The following PLA2G4E variants were observed in gnomAD, a reference collection of about 807,000 sequenced individuals.
PLA2G4E encodes the protein cytosolic phospholipase A2 epsilon.
Under a neutral mutation model 109.1 loss-of-function variants are expected in PLA2G4E, and 84 were observed. The observed-to-expected ratio is 0.77, with a 90% CI of 0.65 to 0.92. The LOEUF (loss-of-function observed/expected upper bound fraction) is 0.92, where lower values mean the gene tolerates loss of function less well. Ranked by LOEUF, PLA2G4E falls within the 40% of genes least tolerant of loss-of-function variation. PLA2G4E has a pLI of 0.00. For missense variants in PLA2G4E, 1,057 were observed against 1,076.6 expected (o/e 0.98, Z 0.25); for synonymous variants, 469 against 436.1 (o/e 1.08, Z -0.94).
chr15:42,046,865 G>A (rs903850603), intron 1 of PLA2G4E, among the ~76,000 whole-genome samples: 2 of 152,192 alleles, frequency 1.3e-5, no homozygotes, highest in Non-Finnish European at 2.9e-5. Context: ...CACAGGGCAG[G>A]AGATGCGGTG....
intron 5 of PLA2G4E, 24 bp from the exon 6 acceptor site, chr15:42,002,720 T>C (rs1397859201): frequency 3.8e-6 from 6 of 1,559,536 alleles, no homozygotes; most frequent in Non-Finnish European, 3.5e-6. Context: ...GGAGAACTCC[T>C]GGTCAATTCT....
At chr15:42,010,350 T>C in intron 2 of PLA2G4E, 1 of 324,874 alleles carries the variant, frequency 3.1e-6, no homozygotes, top group East Asian at 8.5e-5. Flanking sequence ...AAAAACTCAG[T>C]ATTTTTGGCC....
chr15:42,036,089 C>A (rs1889207915), intron 1 of PLA2G4E, among the ~76,000 whole-genome samples: 1 of 152,198 alleles, frequency 6.6e-6, no homozygotes, highest in South Asian at 2.1e-4. Flanking sequence ...TGACCTATTC[C>A]ACAACTTATG....
At chr15:41,983,796 T>G in exon 20 of PLA2G4E, 1 of 1,606,796 alleles carries the variant, frequency 6.2e-7, no homozygotes, top group Non-Finnish European at 8.5e-7. Flanking sequence ...TCTTCTCCAC[T>G]GCGAGCCGCA....
chr15:42,026,982 AAAAG>A (rs971133782), intron 1 of PLA2G4E, among the ~76,000 whole-genome samples: 1 of 151,206 alleles, frequency 6.6e-6, no homozygotes, highest in Non-Finnish European at 1.5e-5. Flanking sequence ...CAAAAAAAAA[AAAAG>A]AAAGAAAGAA....
chr15:42,015,322 C>T (rs999226232), intron 1 of PLA2G4E, among the ~76,000 whole-genome samples: 1 of 152,208 alleles, frequency 6.6e-6, no homozygotes, highest in African/African-American at 2.4e-5. Context: ...ATCATCCTTC[C>T]TGCCTACCGA....
At chr15:42,005,438 A>G (rs1402320328) in intron 4 of PLA2G4E, among the ~76,000 whole-genome samples, 2 of 152,208 alleles carry the variant, frequency 1.3e-5, no homozygotes, top group African/African-American at 4.8e-5. Flanking sequence ...CCAGAATGTA[A>G]GCTAGGTGAG....
chr15:41,994,306 G>GA (rs1384947956), intron 12 of PLA2G4E, among the ~76,000 whole-genome samples: 1 of 151,800 alleles, frequency 6.6e-6, no homozygotes. Flanking sequence ...TGCCCCCCGG[G>GA]GGGGTGTGTG....
At chr15:42,002,896 G>GA (rs1304997139) in intron 5 of PLA2G4E, among the ~76,000 whole-genome samples, 200 bp from the exon 6 acceptor site, 2 of 152,094 alleles carry the variant, frequency 1.3e-5, no homozygotes, top group Non-Finnish European at 1.5e-5. Flanking sequence ...GAATGTCCAG[G>GA]AAAAAAATAG....
rs1889327061 is a variant in PLA2G4E at position 42,042,205 on chromosome 15, C to G, written c.183+8316G>C. ...TAGCAGAGAAAAATTAATCACTATT[C>G]ACTGATATGTAGAAATGACAAGTTT... On this transcript the variant is annotated intron_variant, in intron 1 of 19. Transcript: ENST00000399518. Among the ~76,000 whole-genome samples, 3 of 152,210 alleles carry G rather than the reference C, an allele frequency of 2.0e-5. No individual in the cohort carries two copies. The South Asian group carries it at 6.2e-4, about 32-fold the overall frequency.
At chr15:42,038,662 C>T (rs541677104) in intron 1 of PLA2G4E, among the ~76,000 whole-genome samples, 11 of 152,340 alleles carry the variant, frequency 7.2e-5, no homozygotes, top group African/African-American at 2.4e-4. Context: ...CAGACCAGTA[C>T]GTACCGTGAG....
intron 5 of PLA2G4E, among the ~76,000 whole-genome samples, chr15:42,004,005 GT>G (rs913084208): frequency 7.9e-5 from 12 of 151,900 alleles, no homozygotes; most frequent in Admixed American, 7.9e-4. Flanking sequence ...ATCCTGGATC[GT>G]TTTCCTAATT....
Position 42,002,668 on chromosome 15 carries a change from TG to T in PLA2G4E, c.594del (p.Asn199MetfsTer27). On this transcript the variant is annotated frameshift_variant, in exon 6 of 20. Transcript: ENST00000399518. LOFTEE classifies it high-confidence loss of function. Reference sequence around the variant, plus strand: ...AAGATAATTACCACCAGCACGCCATTGGTGACGAGGGTCTCAGGTGGAGAGG... The same window carrying T: ...AAGATAATTACCACCAGCACGCCATTGTGACGAGGGTCTCAGGTGGAGAGG... The T allele has an allele frequency of 6.3e-7, 1 of 1,585,622 alleles. No homozygotes were observed. Among genetic ancestry groups the T allele is most frequent in the South Asian group, 1.2e-5 (1 of 86,278 alleles).
intron 12 of PLA2G4E, among the ~76,000 whole-genome samples, chr15:41,993,392 T>A (rs2068283621): frequency 6.6e-6 from 1 of 152,214 alleles, no homozygotes; most frequent in Admixed American, 6.5e-5. Flanking sequence ...GTTAAGGTGA[T>A]GTGGGGTAGC....
intron 1 of PLA2G4E, among the ~76,000 whole-genome samples, chr15:42,048,023 T>C (rs554926551): frequency 6.6e-6 from 1 of 152,378 alleles, no homozygotes; most frequent in South Asian, 2.1e-4. Flanking sequence ...CATATTGTTA[T>C]GCTCTGCATA....
chr15:41,983,327 GC>G (rs2068088394), exon 20 of PLA2G4E: 1 of 173,800 alleles, frequency 5.8e-6, no homozygotes, highest in Admixed American at 5.6e-5. Context: ...CCAGTGAAAC[GC>G]CGAGTGCCTC....
At chr15:41,985,386 A>C (rs1455061649) in intron 18 of PLA2G4E, among the ~76,000 whole-genome samples, 1 of 152,164 alleles carries the variant, frequency 6.6e-6, no homozygotes, top group Admixed American at 6.5e-5. Flanking sequence ...TGGTTCTGAC[A>C]AGTGCCCTCC....
exon 20 of PLA2G4E, chr15:41,983,880 C>T: frequency 2.5e-6 from 4 of 1,613,452 alleles, no homozygotes; most frequent in Non-Finnish European, 3.4e-6. Context: ...CAAAGGTGGC[C>T]TCTGTGTATG....
chr15:42,031,375 C>T (rs1432620170), intron 1 of PLA2G4E, among the ~76,000 whole-genome samples: 1 of 152,148 alleles, frequency 6.6e-6, no homozygotes, highest in Admixed American at 6.5e-5. Context: ...TGGCTAAATC[C>T]CCAGACGTGA....
Sources: allele counts gnomAD v4.1 joint callset (sites outside exome capture counted in the v4.1 genomes callset), GRCh38; gene constraint gnomAD v4.1.1; transcripts MANE v1.5; gene names NCBI Gene and HGNC (gene_info 2026-07-23, HGNC 2026-07-21).